The following NNMT variants were observed in gnomAD, a reference collection of about 807,000 sequenced individuals.
The protein encoded by NNMT is nicotinamide N-methyltransferase.
Under a neutral mutation model 11.7 loss-of-function variants are expected in NNMT, and 10 were observed. That is an observed-to-expected ratio of 0.85 (90% confidence interval 0.53 to 1.45). The LOEUF (loss-of-function observed/expected upper bound fraction) is 1.45. Among genes scored for constraint, NNMT ranks in the 40% most tolerant of loss-of-function variants. The pLI is 0.00. For synonymous variants in NNMT, 143 were observed against 133.8 expected (o/e 1.07, Z -0.48); for missense variants, 381 against 319.4 (o/e 1.19, Z -1.47).
At chr11:114,281,021 G>GAAA (rs1945258069) in intron 2 of NNMT, among the ~76,000 whole-genome samples, 1 of 152,162 alleles carries the variant, frequency 6.6e-6, no homozygotes. Flanking sequence ...AGAAGCTGAG[G>GAAA]CCCAGGAAAG....
intron 2 of NNMT, among the ~76,000 whole-genome samples, chr11:114,307,797 C>G (rs1945506662): frequency 6.6e-6 from 1 of 151,924 alleles, no homozygotes; most frequent in Non-Finnish European, 1.5e-5. Flanking sequence ...TCCCTGCTTG[C>G]TTCAGTCTGG....
At chr11:114,271,685 A>G (rs535681509) in intron 2 of NNMT, among the ~76,000 whole-genome samples, 3 of 152,226 alleles carry the variant, frequency 2.0e-5, no homozygotes, top group East Asian at 1.9e-4. Context: ...CTACTTTATG[A>G]ATTACCAGCA....
intron 2 of NNMT, among the ~76,000 whole-genome samples, chr11:114,271,637 T>C (rs566516819): frequency 6.6e-6 from 1 of 152,208 alleles, no homozygotes; most frequent in Non-Finnish European, 1.5e-5. Context: ...TGTCATCCTC[T>C]TCACCCTCCT....
intron 1 of NNMT, among the ~76,000 whole-genome samples, chr11:114,261,775 A>G (rs982606253): frequency 1.3e-5 from 2 of 152,124 alleles, no homozygotes; most frequent in Non-Finnish European, 2.9e-5. Flanking sequence ...TCCTAAGTCA[A>G]TAGTTCTTTC....
intron 2 of NNMT, among the ~76,000 whole-genome samples, chr11:114,304,549 A>G (rs933055862): frequency 3.3e-5 from 5 of 152,202 alleles, no homozygotes; most frequent in Admixed American, 6.5e-5. Flanking sequence ...CTGCATCTTC[A>G]AGTAGCTTTA....
intron 2 of NNMT, among the ~76,000 whole-genome samples, chr11:114,263,087 C>G (rs1334235933): frequency 6.6e-6 from 1 of 152,188 alleles, no homozygotes; most frequent in Non-Finnish European, 1.5e-5. Context: ...TCCTTCACCC[C>G]CATCCCAAGC....
intron 1 of NNMT, among the ~76,000 whole-genome samples, chr11:114,260,225 ATC>A (rs1022760913): frequency 1.3e-5 from 2 of 152,196 alleles, no homozygotes; most frequent in East Asian, 1.9e-4. Flanking sequence ...GGTAGGTGGT[ATC>A]TCAGGCATGC....
chr11:114,279,155 G>A (rs1455116655), intron 2 of NNMT, among the ~76,000 whole-genome samples: 5 of 152,160 alleles, frequency 3.3e-5, no homozygotes, highest in Non-Finnish European at 7.3e-5. Flanking sequence ...GTGTGAGTAG[G>A]TATTGCTATT....
upstream of NNMT, among the ~76,000 whole-genome samples, chr11:114,292,849 T>C (rs756557860): frequency 5.9e-5 from 9 of 152,116 alleles, no homozygotes; most frequent in Admixed American, 5.9e-4. Flanking sequence ...ATATGCTATA[T>C]CACCACTATG....
chr11:114,290,476 A>G (rs1401073624), intron 2 of NNMT, among the ~76,000 whole-genome samples: 1 of 152,146 alleles, frequency 6.6e-6, no homozygotes, highest in Non-Finnish European at 1.5e-5. Flanking sequence ...TTTATTTTGG[A>G]TCCCACTAAG....
In NNMT at chr11:114,312,152, C is replaced by G. The variant is rs1005696954; in HGVS notation, c.470C>G (p.Ala157Gly). 1 of 1,614,186 alleles carries G rather than the reference C, an allele frequency of 6.2e-7. No homozygotes were observed. The highest frequency in any genetic ancestry group is 1.7e-5 in the Admixed American group (1 of 60,032). The change falls in exon 3 of 3, where the codon GCT becomes GGT. Residue 157 changes from alanine to glycine, a missense_variant. Physicochemically the swap from Ala to Gly is moderately conservative, Grantham distance 60 (BLOSUM62 0). Coordinates refer to ENST00000299964, the MANE Select transcript of NNMT (RefSeq NM_006169.3). ...CTGGGGGCCGTCCCCTTACCCCCGG[C>G]TGACTGCGTGCTCAGCACACTGTGT... Reference protein sequence around the residue: ...QPLGAVPLPPADCVLSTLCLD... With the variant: ...QPLGAVPLPPGDCVLSTLCLD...
chr11:114,261,744 G>T (rs1267833623), intron 1 of NNMT, among the ~76,000 whole-genome samples: 3 of 152,146 alleles, frequency 2.0e-5, no homozygotes, highest in African/African-American at 7.2e-5. Flanking sequence ...ACGGTGTTCC[G>T]CTGGGCCTTT....
At chr11:114,291,799 A>G (rs2244175), upstream of NNMT, among the ~76,000 whole-genome samples, 76,525 of 151,918 alleles carry the variant, frequency 0.5, 20,479 homozygotes, top group Admixed American at 0.6. Flanking sequence ...GTTACACTCC[A>G]GAGTCCACCT....
intron 2 of NNMT, among the ~76,000 whole-genome samples, chr11:114,286,310 A>G (rs1480408318): frequency 6.6e-6 from 1 of 152,194 alleles, no homozygotes; most frequent in Admixed American, 6.5e-5. Flanking sequence ...GAACATTTAC[A>G]TAGAGCATAA....
Position 114,312,726 on chromosome 11 carries a change from C to A in NNMT, c.*249C>A. On this transcript the variant is annotated 3_prime_UTR_variant, in exon 3 of 3. Coordinates refer to ENST00000299964, the MANE Select transcript of NNMT (RefSeq NM_006169.3). ...TTCCAGTCTTCATTGCCTGTGCTTA[C>A]AAAAGAAGACCTCACTTCCCTAAAC... 2.1e-6 allele frequency: 1 copy of A among 478,330 alleles called. No individual in the cohort carries two copies. The highest frequency in any genetic ancestry group is 3.7e-6 in the Non-Finnish European group (1 of 269,550). The allele number at this position is 478,330 out of a possible 1,614,324, so 29.6% of individuals were successfully genotyped here.
intron 2 of NNMT, among the ~76,000 whole-genome samples, chr11:114,265,249 G>A (rs1366699546): frequency 2.0e-5 from 3 of 152,190 alleles, no homozygotes; most frequent in Admixed American, 6.5e-5. Context: ...AAGAGACAGG[G>A]ACGAAGACCA....
At chr11:114,300,837 A>G (rs999134125) in intron 2 of NNMT, among the ~76,000 whole-genome samples, 2 of 152,188 alleles carry the variant, frequency 1.3e-5, no homozygotes, top group Admixed American at 6.5e-5. Context: ...TAATATAGCT[A>G]CATCACCCTT....
chr11:114,259,019 A>G (rs1048444018), intron 1 of NNMT, among the ~76,000 whole-genome samples: 3 of 152,222 alleles, frequency 2.0e-5, no homozygotes, highest in African/African-American at 7.2e-5. Context: ...TAAATTAGGC[A>G]TAGAGTCTCT....
intron 2 of NNMT, among the ~76,000 whole-genome samples, chr11:114,310,619 C>T (rs1945540720): frequency 6.6e-6 from 1 of 152,208 alleles, no homozygotes; most frequent in Admixed American, 6.5e-5. Context: ...GTCTGTCAAG[C>T]CTTGATGCCC....
Sources: gnomAD v4.1 joint callset for allele counts (sites outside exome capture counted in the v4.1 genomes callset) on GRCh38, gnomAD v4.1.1 for gene constraint, MANE v1.5 for transcripts, NCBI Gene and HGNC (gene_info 2026-07-23, HGNC 2026-07-21) for gene names.